Variants in TIPIN observed in about 807,000 individuals in gnomAD.
The protein encoded by TIPIN is TIMELESS-interacting protein.
TIPIN carries 29 observed loss-of-function variants against 35.6 expected under a neutral mutation model. The ratio of observed to expected loss-of-function variants is 0.82; its 90% CI spans 0.61 to 1.11. The LOEUF (loss-of-function observed/expected upper bound fraction) is 1.11. TIPIN is among the 50% of genes most tolerant of loss of function. TIPIN has a pLI of 0.00. For missense variants in TIPIN, 296 were observed against 345.4 expected (o/e 0.86, Z 1.13); for synonymous variants, 102 against 121.5 (o/e 0.84, Z 1.06).
intron 1 of TIPIN, among the ~76,000 whole-genome samples, chr15:66,385,496 C>CT (rs543148145): frequency 3.7e-4 from 55 of 146,780 alleles, no homozygotes; most frequent in South Asian, 4.3e-4. Flanking sequence ...GATTAAAGTT[C>CT]TTTTTTTTTT....
chr15:66,356,703 T>A (rs2093206496), upstream of TIPIN: 1 of 985,498 alleles, frequency 1.0e-6, no homozygotes, highest in Non-Finnish European at 1.2e-6. Context: ...CTTCTCGCGA[T>A]ACTCGGGAAC....
chr15:66,337,043 T>G lies in TIPIN; in HGVS notation c.821A>C (p.Glu274Ala). 6.2e-7 allele frequency: 1 copy of G among 1,614,142 alleles called. No homozygotes were observed. Among genetic ancestry groups the G allele is most frequent in the South Asian group, 1.1e-5 (1 of 91,090 alleles). The change falls in exon 8 of 8, where the codon GAA becomes GCA. Residue 274 changes from glutamate to alanine, a missense_variant. By Grantham distance (107) the Glu-to-Ala change is moderately radical. Transcript: ENST00000261881. Reference sequence around the variant, plus strand: ...AGACTGGTCCAGCAGTGTTTCCTCTTCATTTAAAGTATTGGCAATAGCATC... The same window carrying G: ...AGACTGGTCCAGCAGTGTTTCCTCTGCATTTAAAGTATTGGCAATAGCATC... ...CNDAIANTLNEEETLLDQSFK... is the reference protein window; with the variant it reads ...CNDAIANTLNAEETLLDQSFK...
At position 66,345,898 on chromosome 15, in the gene TIPIN, C is replaced by G. The variant is rs1005483326; in HGVS notation, c.475+3162G>C. On this transcript the variant is annotated intron_variant, in intron 6 of 7. Transcript: ENST00000261881. ...CAGATTCAGTTCTCTTATTTGTACCCTATATTTCAGCATGCTTGTAATTCT... is the reference window on the plus strand; with the variant it reads ...CAGATTCAGTTCTCTTATTTGTACCGTATATTTCAGCATGCTTGTAATTCT... Among the ~76,000 whole-genome samples the G allele has an allele frequency of 2.6e-5, 4 of 151,722 alleles. No homozygotes were observed. In the South Asian group the frequency reaches 8.3e-4, roughly 32 times the overall value.
chr15:66,351,410 T>C (rs973857054), intron 4 of TIPIN, 115 bp downstream of exon 4: 5 of 759,720 alleles, frequency 6.6e-6, no homozygotes, highest in African/African-American at 5.3e-5. Context: ...TCTCAAGACA[T>C]ACGACGACTA....
At position 66,337,197 on chromosome 15, in the gene TIPIN, C is replaced by T. The variant is rs2093050848; in HGVS notation, c.683-16G>A. On this transcript the variant is annotated splice_polypyrimidine_tract_variant and intron_variant, in intron 7 of 7. Coordinates refer to ENST00000261881, the MANE Select transcript of TIPIN (RefSeq NM_017858.3). ...ATTAACATATCTGAAAGAAATCATA[C>T]CATTATTATTCATTATAAGTACCTG... 1 of 1,602,120 alleles carries T rather than the reference C, an allele frequency of 6.2e-7. No homozygotes were observed. The highest frequency in any genetic ancestry group is 1.1e-5 in the South Asian group (1 of 90,706).
intron 1 of TIPIN, among the ~76,000 whole-genome samples, chr15:66,353,701 C>A (rs866977614): frequency 6.6e-6 from 1 of 151,704 alleles, no homozygotes; most frequent in South Asian, 2.1e-4. Flanking sequence ...AATGTGTTTA[C>A]ATATTGGTCT....
chr15:66,376,419 T>A (rs2093296928), intron 1 of TIPIN, among the ~76,000 whole-genome samples: 2 of 151,816 alleles, frequency 1.3e-5, no homozygotes, highest in South Asian at 2.1e-4. Context: ...TGTCTAATAA[T>A]TTTTTTCTTT....
intron 1 of TIPIN, among the ~76,000 whole-genome samples, chr15:66,368,835 G>A (rs573343922): frequency 1.3e-5 from 2 of 152,170 alleles, no homozygotes; most frequent in African/African-American, 2.4e-5. Flanking sequence ...ACTAACAATC[G>A]ATAAAACTAA....
At chr15:66,339,157 AG>A (rs755259943) in intron 7 of TIPIN, among the ~76,000 whole-genome samples, 7,967 of 71,668 alleles carry the variant, frequency 0.11, 3,030 homozygotes, top group East Asian at 0.24. Flanking sequence ...AAAAAAAAAA[AG>A]CAAAAAGAAA....
intron 1 of TIPIN, chr15:66,383,660 ATACATT>A: frequency 1.2e-6 from 1 of 831,256 alleles, no homozygotes; most frequent in Non-Finnish European, 1.5e-6. Context: ...ACACACATGC[ATACATT>A]TACATCTATG....
At chr15:66,379,882 T>C (rs56037831) in intron 1 of TIPIN, 484,669 of 1,585,188 alleles carry the variant, frequency 0.31, 76,462 homozygotes, top group South Asian at 0.33. Context: ...TTTTCTGGAA[T>C]GTCGACAGTC....
intron 1 of TIPIN, among the ~76,000 whole-genome samples, chr15:66,363,467 C>T (rs897379930): frequency 6.6e-6 from 1 of 150,862 alleles, no homozygotes; most frequent in Non-Finnish European, 1.5e-5. Context: ...CATGGTGAAA[C>T]CCCGTCTCTA....
chr15:66,353,954 AC>A (rs2093186481), intron 1 of TIPIN, among the ~76,000 whole-genome samples: 1 of 152,106 alleles, frequency 6.6e-6, no homozygotes, highest in African/African-American at 2.4e-5. Flanking sequence ...CCCCGTCTCT[AC>A]TAAAAATATA....
chr15:66,380,239 C>T lies in TIPIN; in HGVS notation c.-9+6368G>A, dbSNP rs536993776. On this transcript the variant is annotated intron_variant, in intron 1 of 7. Transcript: ENST00000562124. ...CAGGATGGTTTCGATCTCCTGACCTCGTGATCCACCCCACCTCGGCCTCCC... is the reference window on the plus strand; with the variant it reads ...CAGGATGGTTTCGATCTCCTGACCTTGTGATCCACCCCACCTCGGCCTCCC... Among the ~76,000 whole-genome samples the T allele has an allele frequency of 1.8e-4, 27 of 150,852 alleles. 1 individual carries two copies. The South Asian group carries it at 5.7e-3, about 32-fold the overall frequency.
chr15:66,341,317 G>GT lies in TIPIN; in HGVS notation c.514dup (p.Thr172AsnfsTer2). 6.2e-7 allele frequency: 1 copy of GT among 1,613,790 alleles called. No homozygotes were observed. The highest frequency in any genetic ancestry group is 8.5e-7 in the Non-Finnish European group (1 of 1,179,980). Reference sequence around the variant, plus strand: ...GTTTGTCAGAAAGGGATCTAATTCAGTAGAAGTGACATCATGTTCATTATT... The same window carrying GT: ...GTTTGTCAGAAAGGGATCTAATTCAGTTAGAAGTGACATCATGTTCATTATT... On this transcript the variant is annotated frameshift_variant, in exon 7 of 8. Transcript: ENST00000261881. LOFTEE classifies it high-confidence loss of function.
intron 6 of TIPIN, among the ~76,000 whole-genome samples, chr15:66,348,063 T>C (rs916894036): frequency 4.0e-5 from 6 of 149,800 alleles, no homozygotes; most frequent in African/African-American, 9.8e-5. Context: ...GCCCAGAGTA[T>C]AGTGGTGTGA....
At chr15:66,361,368 G>A (rs1362314195), upstream of TIPIN, among the ~76,000 whole-genome samples, 1 of 149,794 alleles carries the variant, frequency 6.7e-6, no homozygotes, top group Non-Finnish European at 1.5e-5. Context: ...CCATTCTCCT[G>A]CCTCAGTCTC....
intron 3 of TIPIN, 127 bp downstream of exon 3, chr15:66,352,002 A>C: frequency 6.9e-6 from 5 of 721,494 alleles, no homozygotes; most frequent in Non-Finnish European, 1.1e-5. Flanking sequence ...GTTCTGCTGA[A>C]CTAAAAAAAA....
chr15:66,339,468 A>C (rs1484649572), intron 7 of TIPIN, among the ~76,000 whole-genome samples: 1 of 152,192 alleles, frequency 6.6e-6, no homozygotes, highest in Non-Finnish European at 1.5e-5. Context: ...TAAGAAAGAT[A>C]TACGCAATCC....
Sources: allele counts gnomAD v4.1 joint callset (sites outside exome capture counted in the v4.1 genomes callset), GRCh38; gene constraint gnomAD v4.1.1; transcripts MANE v1.5; gene names NCBI Gene and HGNC (gene_info 2026-07-23, HGNC 2026-07-21).